NUP58: variants seen among roughly 807,000 people sequenced by gnomAD.
The protein encoded by NUP58 is nucleoporin 58, also known as nucleoporin p58/p45.
Under a neutral mutation model 70.1 loss-of-function variants are expected in NUP58, and 17 were observed. The ratio of observed to expected loss-of-function variants is 0.24; its 90% confidence interval spans 0.17 to 0.36. The LOEUF is 0.36. NUP58 is among the 10% of genes least tolerant of loss of function. The pLI is 1.00. For synonymous variants in NUP58, 275 were observed against 257.6 expected (o/e 1.07, Z -0.65); for missense variants, 644 against 701.5 (o/e 0.92, Z 0.93).
intron 13 of NUP58, chr13:25,333,398 C>T: frequency 1.0e-6 from 1 of 985,344 alleles, no homozygotes; most frequent in Non-Finnish European, 1.2e-6. Context: ...TGACTTTTGC[C>T]AGGCTTTGGG....
At chr13:25,329,134 TA>T (rs2031511737) in intron 12 of NUP58, among the ~76,000 whole-genome samples, 1 of 152,236 alleles carries the variant, frequency 6.6e-6, no homozygotes, top group Non-Finnish European at 1.5e-5. Context: ...AATTTTTTAA[TA>T]AAATTAATGT....
chr13:25,321,958 T>C (rs2031205426), intron 9 of NUP58, among the ~76,000 whole-genome samples: 1 of 152,172 alleles, frequency 6.6e-6, no homozygotes, highest in South Asian at 2.1e-4. Flanking sequence ...GTGGCTAATG[T>C]TGTCTGTCAC....
chr13:25,313,093 G>A, intron 4 of NUP58, 61 bp downstream of exon 4: 1 of 1,539,216 alleles, frequency 6.5e-7, no homozygotes. Context: ...TCTGGTTAGA[G>A]AACATAGATA....
chr13:25,338,491 A>G (rs546679328), intron 14 of NUP58, 145 bp from the exon 15 acceptor site: 43 of 534,994 alleles, frequency 8.0e-5, no homozygotes, highest in African/African-American at 7.4e-4. Context: ...GTCTCATGCA[A>G]AGGAGTAAGC....
chr13:25,338,794 TA>T, intron 15 of NUP58, 63 bp downstream of exon 15: 1 of 1,408,954 alleles, frequency 7.1e-7, no homozygotes, highest in Admixed American at 1.9e-5. Flanking sequence ...AATTTAAAAG[TA>T]TGTGTTGTTA....
At position 25,334,374 on chromosome 13, in the gene NUP58, C is replaced by T. The variant is rs978504741; in HGVS notation, c.1436-2562C>T. On this transcript the variant is annotated intron_variant, in intron 13 of 15. Transcript: ENST00000381736. Reference sequence around the variant, plus strand: ...CTTGATGTTTACATAATAAGACTTTCTTATGTGACTTAGCTGCTGTTTTAA... The same window carrying T: ...CTTGATGTTTACATAATAAGACTTTTTTATGTGACTTAGCTGCTGTTTTAA... 1.0e-5 allele frequency: 10 copies of T among 985,190 alleles called. No individual in the cohort carries two copies. In the East Asian group the frequency reaches 1.1e-3, roughly 112 times the overall value. 61.0% of individuals were successfully genotyped at this position (985,190 alleles called of 1,614,324 possible).
chr13:25,336,419 G>A (rs2031784708), intron 13 of NUP58: 1 of 570,122 alleles, frequency 1.8e-6, no homozygotes, highest in African/African-American at 2.0e-5. Context: ...TAGTTTTTTG[G>A]GTACTTACTC....
In NUP58 at chr13:25,301,780, A is replaced by C. The variant is rs1489077971; in HGVS notation, c.7A>C (p.Thr3Pro). The C allele has an allele frequency of 1.2e-6, 2 of 1,611,936 alleles. No individual in the cohort carries two copies. Among genetic ancestry groups the C allele is most frequent in the Admixed American group, 3.3e-5 (2 of 59,874 alleles). MS[T>P]GFSFGSGTLG... Reference sequence around the variant, plus strand: ...CGTCGAGCCCTGGCCAGACATGTCCACAGGGTTCTCCTTCGGGTCCGGGAC... The same window carrying C: ...CGTCGAGCCCTGGCCAGACATGTCCCCAGGGTTCTCCTTCGGGTCCGGGAC... Residue 3 changes from threonine to proline, a missense_variant, in exon 1 of 16, where the codon ACA becomes CCA. Around this residue, in one of 4 missense-constraint regions of NUP58, gnomAD observed 430 missense variants for 409.2 expected, o/e 1.05. Coordinates refer to ENST00000381736, the MANE Select transcript of NUP58 (RefSeq NM_014089.4).
At chr13:25,320,849 G>GTA (rs2031149582) in intron 8 of NUP58, 70 bp from the exon 9 acceptor site, 24 of 1,008,608 alleles carry the variant, frequency 2.4e-5, no homozygotes, top group South Asian at 5.5e-5. Flanking sequence ...ACTGTTTTAA[G>GTA]TATATATATA....
intron 6 of NUP58, among the ~76,000 whole-genome samples, chr13:25,316,360 A>G (rs1459634920): frequency 6.6e-6 from 1 of 152,184 alleles, no homozygotes; most frequent in Non-Finnish European, 1.5e-5. Context: ...TATACCATAT[A>G]TACTAGGGTA....
intron 6 of NUP58, among the ~76,000 whole-genome samples, chr13:25,316,466 G>C (rs1238246251): frequency 1.3e-5 from 2 of 151,826 alleles, no homozygotes; most frequent in African/African-American, 4.8e-5. Context: ...TAAAAAACTG[G>C]ACACAGGTTT....
intron 9 of NUP58, among the ~76,000 whole-genome samples, chr13:25,323,071 A>T (rs1490592850): frequency 6.6e-6 from 1 of 152,236 alleles, no homozygotes; most frequent in Non-Finnish European, 1.5e-5. Flanking sequence ...TAGCTGTCAT[A>T]TAATGGGCAC....
chr13:25,309,149 T>C, intron 2 of NUP58, 98 bp from the exon 3 acceptor site: 1 of 853,196 alleles, frequency 1.2e-6, no homozygotes, highest in Non-Finnish European at 2.0e-6. Flanking sequence ...GTGTTGTCAC[T>C]CCCTGAGGGT....
At chr13:25,310,077 C>T (rs2030577097) in intron 3 of NUP58, 3 of 352,718 alleles carry the variant, frequency 8.5e-6, no homozygotes, top group African/African-American at 6.6e-5. Context: ...GGTTCTTCCT[C>T]TGTTGCCCAG....
At chr13:25,315,074 C>G (rs999106609) in intron 5 of NUP58, among the ~76,000 whole-genome samples, 3 of 152,120 alleles carry the variant, frequency 2.0e-5, no homozygotes, top group Non-Finnish European at 4.4e-5. Flanking sequence ...AACAAAACCC[C>G]TTTATAACAA....
downstream of NUP58, among the ~76,000 whole-genome samples, chr13:25,344,807 G>T (rs1436578369): frequency 6.6e-6 from 1 of 152,122 alleles, no homozygotes; most frequent in Non-Finnish European, 1.5e-5. Flanking sequence ...TAGTAGGTAT[G>T]AGGTCATTTA....
At chr13:25,311,850 C>T (rs1283100281) in intron 3 of NUP58, among the ~76,000 whole-genome samples, 1 of 152,046 alleles carries the variant, frequency 6.6e-6, no homozygotes, top group African/African-American at 2.4e-5. Flanking sequence ...GTAGGATCGA[C>T]AGGATTTGTA....
At chr13:25,328,153 C>T (rs900524737) in intron 12 of NUP58, among the ~76,000 whole-genome samples, 1 of 149,718 alleles carries the variant, frequency 6.7e-6, no homozygotes, top group Admixed American at 6.6e-5. Context: ...GAGCCGAGAT[C>T]ACACCACTGC....
At chr13:25,309,989 T>G (rs902296699) in intron 3 of NUP58, 3 of 401,800 alleles carry the variant, frequency 7.5e-6, no homozygotes, top group African/African-American at 6.4e-5. Context: ...TCAGCAAAGT[T>G]TTGGACTGGA....
Sources: gnomAD v4.1 joint callset for allele counts (sites outside exome capture counted in the v4.1 genomes callset) on GRCh38, gnomAD v4.1.1 for gene constraint, gnomAD v4.1.1 regional missense constraint, MANE v1.5 for transcripts, NCBI Gene and HGNC (gene_info 2026-07-23, HGNC 2026-07-21) for gene names.